The following ARK2C variants were observed in gnomAD, a reference collection of about 807,000 sequenced individuals.
The protein encoded by ARK2C is E3 ubiquitin-protein ligase ARK2C.
chr18:46,448,906 A>G, the ARK2C span, among the ~76,000 whole-genome samples: 1 of 152,198 alleles, frequency 6.6e-6, no homozygotes, highest in Non-Finnish European at 1.5e-5. Context: ...CTCTGTCACT[A>G]ACCACTCAGC....
the ARK2C span, among the ~76,000 whole-genome samples, chr18:46,440,763 A>G: frequency 6.6e-6 from 1 of 152,218 alleles, no homozygotes; most frequent in African/African-American, 2.4e-5. Context: ...GATATGTCAC[A>G]TAAGTCTCAT....
At chr18:46,403,390 C>T in the ARK2C span, among the ~76,000 whole-genome samples, 1 of 152,124 alleles carries the variant, frequency 6.6e-6, no homozygotes, top group Non-Finnish European at 1.5e-5. Context: ...GCCCTCCCTG[C>T]CCCCCGTCTC....
At chr18:46,409,523 G>A in the ARK2C span, among the ~76,000 whole-genome samples, 2 of 152,212 alleles carry the variant, frequency 1.3e-5, no homozygotes, top group African/African-American at 4.8e-5. Context: ...ACTCTGAGCT[G>A]CTGAGTATTA....
At chr18:46,349,995 T>C in the ARK2C span, among the ~76,000 whole-genome samples, 2 of 152,190 alleles carry the variant, frequency 1.3e-5, no homozygotes, top group East Asian at 3.8e-4. Context: ...GATGAGAATA[T>C]ACAGTACATA....
At chr18:46,334,485 G>A in the ARK2C span, 2 of 615,322 alleles carry the variant, frequency 3.3e-6, no homozygotes, top group Non-Finnish European at 4.9e-6. This position sits in a 1 kb window ranked among gnomAD's most constrained non-coding sequence, Gnocchi z 4.4. Flanking sequence ...ATTTTAGGGG[G>A]ACCCCCGAGG....
chr18:46,377,127 A>G, the ARK2C span, among the ~76,000 whole-genome samples: 1 of 152,216 alleles, frequency 6.6e-6, no homozygotes, highest in African/African-American at 2.4e-5. Flanking sequence ...CAATCAGCAC[A>G]TGGCCTGACC....
chr18:46,456,803 G>C, the ARK2C span: 1 of 611,542 alleles, frequency 1.6e-6, no homozygotes, highest in Non-Finnish European at 3.0e-6. Flanking sequence ...GGAGAGGAGG[G>C]GGTTGGGGAG....
chr18:46,338,668 C>T, the ARK2C span, among the ~76,000 whole-genome samples: 1 of 151,558 alleles, frequency 6.6e-6, no homozygotes, highest in Admixed American at 6.6e-5. Flanking sequence ...TATTTTTTTT[C>T]CCAGAGTGGA....
the ARK2C span, chr18:46,455,839 A>G: frequency 1.7e-5 from 10 of 601,982 alleles, no homozygotes; most frequent in African/African-American, 1.3e-4. Flanking sequence ...AGTCTCAAAA[A>G]CAAAACAAAA....
the ARK2C span, among the ~76,000 whole-genome samples, chr18:46,395,900 G>T: frequency 6.6e-6 from 1 of 152,208 alleles, no homozygotes; most frequent in Non-Finnish European, 1.5e-5. Context: ...AAGCCCAGTA[G>T]TTCTTCCGAT....
the ARK2C span, among the ~76,000 whole-genome samples, chr18:46,425,843 T>A: frequency 6.6e-6 from 1 of 152,122 alleles, no homozygotes; most frequent in African/African-American, 2.4e-5. Flanking sequence ...GCTGGGAGCT[T>A]ATGAACAACA....
chr18:46,453,132 AC>A, the ARK2C span, among the ~76,000 whole-genome samples: 1 of 152,310 alleles, frequency 6.6e-6, no homozygotes, highest in Non-Finnish European at 1.5e-5. Context: ...CTCTCAAGGC[AC>A]TGGATTTATT....
the ARK2C span, among the ~76,000 whole-genome samples, chr18:46,338,223 G>A: frequency 6.6e-6 from 1 of 152,148 alleles, no homozygotes; most frequent in African/African-American, 2.4e-5. Flanking sequence ...CCATGATCTG[G>A]AATTTTAAAG....
the ARK2C span, among the ~76,000 whole-genome samples, chr18:46,430,969 G>A: frequency 5.3e-5 from 8 of 152,076 alleles, no homozygotes; most frequent in Admixed American, 1.3e-4. Context: ...AGGTATACAC[G>A]TGCCATGGTG....
the ARK2C span, among the ~76,000 whole-genome samples, chr18:46,454,075 T>C: frequency 8.2e-6 from 1 of 121,240 alleles, no homozygotes; most frequent in Non-Finnish European, 1.6e-5. Context: ...ATTATACCAC[T>C]GCACTCCAGC....
chr18:46,401,359 G>A, the ARK2C span, among the ~76,000 whole-genome samples: 1 of 152,128 alleles, frequency 6.6e-6, no homozygotes, highest in African/African-American at 2.4e-5. Context: ...AACATCAAAT[G>A]TCAGTCAGGG....
At chr18:46,382,689 T>C in the ARK2C span, among the ~76,000 whole-genome samples, 12 of 152,292 alleles carry the variant, frequency 7.9e-5, no homozygotes, top group African/African-American at 2.9e-4. Context: ...CCCGTGAAGT[T>C]AGGCAGGTGT....
At chr18:46,386,475 C>T in the ARK2C span, 3 of 152,048 alleles carry the variant, frequency 2.0e-5, no homozygotes, top group Non-Finnish European at 4.4e-5. Flanking sequence ...TTCCCTAAGG[C>T]CTGGTAAGGA....
At chr18:46,416,521 G>C in the ARK2C span, among the ~76,000 whole-genome samples, 2 of 152,290 alleles carry the variant, frequency 1.3e-5, no homozygotes, top group South Asian at 4.1e-4. Flanking sequence ...TCAAAATTGA[G>C]TCCCCACCTC....
Sources: allele counts gnomAD v4.1 joint callset (sites outside exome capture counted in the v4.1 genomes callset), GRCh38; gene constraint gnomAD v4.1.1; non-coding constraint Gnocchi (gnomAD v3.1); transcripts MANE v1.5; gene names NCBI Gene and HGNC (gene_info 2026-07-23, HGNC 2026-07-21).